The following PPM1H variants were observed in gnomAD, a reference collection of about 807,000 sequenced individuals.
The protein encoded by PPM1H is protein phosphatase, Mg2+/Mn2+ dependent 1H, also known as protein phosphatase 1H.
PPM1H carries 27 observed loss-of-function variants against 54.9 expected under a neutral mutation model. The ratio of observed to expected loss-of-function variants is 0.49; its 90% CI spans 0.36 to 0.68. The LOEUF is 0.68. PPM1H is among the 30% of genes least tolerant of loss of function. The pLI is 0.00. For synonymous variants in PPM1H, 305 were observed against 270.8 expected (o/e 1.13, Z -1.24); for missense variants, 596 against 667.8 (o/e 0.89, Z 1.19).
intron 4 of PPM1H, among the ~76,000 whole-genome samples, chr12:62,771,944 T>C (rs945187249): frequency 2.6e-5 from 4 of 152,186 alleles, no homozygotes; most frequent in African/African-American, 7.2e-5. Context: ...AATTAATTCA[T>C]TTAATCCTCA....
At chr12:62,708,992 G>C (rs1214999080) in intron 6 of PPM1H, among the ~76,000 whole-genome samples, 1 of 152,052 alleles carries the variant, frequency 6.6e-6, no homozygotes, top group East Asian at 1.9e-4. Context: ...GCTCTTAAGG[G>C]TGGGAAAATA....
chr12:62,753,331 G>A (rs918851543), intron 4 of PPM1H, among the ~76,000 whole-genome samples: 2 of 152,204 alleles, frequency 1.3e-5, no homozygotes, highest in African/African-American at 2.4e-5. Flanking sequence ...ACCAAATGAA[G>A]ATTCCTCATG....
At chr12:62,831,305 A>G (rs1868353621) in intron 2 of PPM1H, among the ~76,000 whole-genome samples, 1 of 152,168 alleles carries the variant, frequency 6.6e-6, no homozygotes, top group African/African-American at 2.4e-5. Context: ...CCCAGGAAAC[A>G]TCTCTCTCTA....
chr12:62,695,729 T>C (rs2076111239), intron 6 of PPM1H, among the ~76,000 whole-genome samples: 1 of 152,156 alleles, frequency 6.6e-6, no homozygotes. Context: ...TCCACTACTA[T>C]ACATCAAGCA....
At chr12:62,710,492 A>G (rs1194522574) in intron 6 of PPM1H, among the ~76,000 whole-genome samples, 1 of 150,104 alleles carries the variant, frequency 6.7e-6, no homozygotes. Context: ...AGATCACACC[A>G]CTGCACTCCA....
chr12:62,746,218 A>G (rs889913561), intron 4 of PPM1H, among the ~76,000 whole-genome samples: 2 of 152,064 alleles, frequency 1.3e-5, no homozygotes, highest in Non-Finnish European at 2.9e-5. Flanking sequence ...AAACAAAAAC[A>G]AAGTGTGAAC....
At chr12:62,820,908 A>T (rs888704218) in intron 2 of PPM1H, among the ~76,000 whole-genome samples, 1 of 152,210 alleles carries the variant, frequency 6.6e-6, no homozygotes, top group Non-Finnish European at 1.5e-5. Flanking sequence ...ACAAAGCTGG[A>T]TGGAGAATGA....
intron 2 of PPM1H, among the ~76,000 whole-genome samples, chr12:62,811,203 G>A (rs2076833175): frequency 6.6e-6 from 1 of 152,140 alleles, no homozygotes; most frequent in African/African-American, 2.4e-5. Flanking sequence ...CAGCAGTGAT[G>A]ATATGTATCT....
At chr12:62,663,874 C>T (rs990561452) in intron 9 of PPM1H, among the ~76,000 whole-genome samples, 1 of 152,090 alleles carries the variant, frequency 6.6e-6, no homozygotes, top group Admixed American at 6.5e-5. Flanking sequence ...GCCTGTAATC[C>T]CAGCTACTAG....
At chr12:62,716,912 TA>T (rs2076237728) in intron 6 of PPM1H, among the ~76,000 whole-genome samples, 2 of 152,276 alleles carry the variant, frequency 1.3e-5, no homozygotes, top group Admixed American at 1.3e-4. Context: ...AGGAATTCAT[TA>T]AAGTTGGGGG....
intron 9 of PPM1H, among the ~76,000 whole-genome samples, chr12:62,653,553 G>A (rs1470986260): frequency 6.6e-6 from 1 of 152,104 alleles, no homozygotes; most frequent in African/African-American, 2.4e-5. Flanking sequence ...AACTTGTTCT[G>A]TTACACCCAG....
At chr12:62,689,565 C>T in intron 8 of PPM1H, 134 bp downstream of exon 8, 1 of 628,566 alleles carries the variant, frequency 1.6e-6, no homozygotes. Context: ...GAAAAAGACA[C>T]AGACGTGAGA....
chr12:62,852,431 C>A (rs1055212819), intron 1 of PPM1H, among the ~76,000 whole-genome samples: 3 of 152,076 alleles, frequency 2.0e-5, no homozygotes, highest in Non-Finnish European at 4.4e-5. Context: ...ACCATGCTGG[C>A]ACCCTGATCT....
intron 6 of PPM1H, among the ~76,000 whole-genome samples, chr12:62,700,421 C>G (rs556847187): frequency 1.4e-4 from 22 of 152,290 alleles, no homozygotes; most frequent in African/African-American, 5.3e-4. Context: ...CTGATCCTGT[C>G]TCCACCTGTG....
intron 4 of PPM1H, among the ~76,000 whole-genome samples, chr12:62,786,648 G>C (rs914250657): frequency 2.0e-4 from 30 of 152,090 alleles, no homozygotes; most frequent in African/African-American, 5.3e-4. Context: ...CCTTCCTGGG[G>C]ACCTCAACAC....
chr12:62,749,932 C>G (rs546820519), intron 4 of PPM1H, among the ~76,000 whole-genome samples: 1 of 152,352 alleles, frequency 6.6e-6, no homozygotes, highest in East Asian at 1.9e-4. Context: ...CAGCCACTTT[C>G]TGTAGAAACA....
intron 1 of PPM1H, among the ~76,000 whole-genome samples, chr12:62,852,666 T>C (rs1869239751): frequency 6.6e-6 from 1 of 152,206 alleles, no homozygotes; most frequent in Non-Finnish European, 1.5e-5. Flanking sequence ...CTAAATCTCT[T>C]AGATGAAAGA....
intron 1 of PPM1H, among the ~76,000 whole-genome samples, chr12:62,875,095 AC>A (rs1464053534): frequency 6.6e-6 from 1 of 152,006 alleles, no homozygotes; most frequent in African/African-American, 2.4e-5. Flanking sequence ...CATTAGTAGG[AC>A]CCTCTTTTAT....
At chr12:62,784,294 G>C (rs1039460946) in intron 4 of PPM1H, among the ~76,000 whole-genome samples, 9 of 152,074 alleles carry the variant, frequency 5.9e-5, no homozygotes, top group Non-Finnish European at 1.0e-4. Flanking sequence ...TGAATGGGAT[G>C]GTCGTTGACT....
Sources: allele counts gnomAD v4.1 joint callset (sites outside exome capture counted in the v4.1 genomes callset), GRCh38; gene constraint gnomAD v4.1.1; transcripts MANE v1.5; gene names NCBI Gene and HGNC (gene_info 2026-07-23, HGNC 2026-07-21).